ALDH1L2: variants seen among roughly 807,000 people sequenced by gnomAD.
ALDH1L2 encodes the protein mitochondrial 10-formyltetrahydrofolate dehydrogenase.
ALDH1L2 carries 91 observed loss-of-function variants against 111.0 expected under a neutral mutation model. The ratio of observed to expected loss-of-function variants is 0.82; its 90% CI spans 0.69 to 0.98. ALDH1L2 has a LOEUF of 0.98. Ranked by LOEUF, ALDH1L2 falls within the 50% of genes least tolerant of loss-of-function variation. ALDH1L2 has a pLI of 0.00. For synonymous variants in ALDH1L2, 374 were observed against 392.6 expected (o/e 0.95, Z 0.56); for missense variants, 995 against 1,126.8 (o/e 0.88, Z 1.67).
intron 4 of ALDH1L2, 140 bp from the exon 5 acceptor site, chr12:105,066,809 T>C (rs1437309237): frequency 4.4e-6 from 3 of 675,646 alleles, no homozygotes; most frequent in Non-Finnish European, 7.8e-6. Context: ...CTACCATTTC[T>C]TCAGGTCCAT....
chr12:105,036,138 G>A lies in ALDH1L2; in HGVS notation c.2146-1740C>T, dbSNP rs1205677127. Among the ~76,000 whole-genome samples the A allele has an allele frequency of 8.8e-5, 4 of 45,376 alleles. 2 individuals carry two copies. Among genetic ancestry groups the A allele is most frequent in the Non-Finnish European group, 6.7e-5 (2 of 29,670 alleles). The allele number at this position is 45,376 out of a possible 152,430, so 29.8% of individuals were successfully genotyped here. On this transcript the variant is annotated intron_variant, in intron 18 of 22. Coordinates refer to ENST00000258494, the MANE Select transcript of ALDH1L2 (RefSeq NM_001034173.4). ...ATGTGTATATATATTATATATATAC[G>A]TATATTTATATATGTGTATATAATA...
intron 10 of ALDH1L2, 66 bp from the exon 11 acceptor site, chr12:105,052,997 TAAAG>T: frequency 6.4e-7 from 1 of 1,555,896 alleles, no homozygotes; most frequent in Non-Finnish European, 8.8e-7. Flanking sequence ...CAAACAGCAA[TAAAG>T]AAGCATATTC....
chr12:105,074,210 C>A, intron 1 of ALDH1L2: 1 of 547,720 alleles, frequency 1.8e-6, no homozygotes, highest in South Asian at 2.5e-5. Context: ...ATAATCCCAG[C>A]ACTTTGGGAG....
chr12:105,066,521 G>C, intron 5 of ALDH1L2, 47 bp downstream of exon 5: 1 of 1,543,540 alleles, frequency 6.5e-7, no homozygotes, highest in Non-Finnish European at 8.9e-7. Flanking sequence ...CTGAAGGGTA[G>C]AGGGCCATGA....
In ALDH1L2 at chr12:105,065,368, C is replaced by T. The variant is rs756546903; in HGVS notation, c.697-12G>A. 1.9e-6 allele frequency: 3 copies of T among 1,608,036 alleles called. No homozygotes were observed. The highest frequency in any genetic ancestry group is 1.7e-5 in the Admixed American group (1 of 59,918). On this transcript the variant is annotated splice_polypyrimidine_tract_variant and intron_variant, in intron 5 of 22. Coordinates refer to ENST00000258494, the MANE Select transcript of ALDH1L2 (RefSeq NM_001034173.4). ...TGGTCCCAAGAAATCTAGGAAGGCA[C>T]AAAATACAGGCTGAGCCTCCTATGG...
intron 19 of ALDH1L2, among the ~76,000 whole-genome samples, chr12:105,032,174 CTTTTT>C (rs59767606): frequency 1.9e-5 from 2 of 105,968 alleles, no homozygotes; most frequent in Non-Finnish European, 3.9e-5. Context: ...CCTCGAACTT[CTTTTT>C]TTTTTTTTTT....
chr12:105,065,226 A>C, intron 6 of ALDH1L2, 41 bp downstream of exon 6: 4 of 1,061,306 alleles, frequency 3.8e-6, no homozygotes, highest in African/African-American at 2.0e-5. Flanking sequence ...CAAAGGTAAT[A>C]ATCGGGGAGG....
intron 18 of ALDH1L2, among the ~76,000 whole-genome samples, chr12:105,036,543 T>C (rs1345607522): frequency 2.2e-5 from 1 of 44,940 alleles, no homozygotes; most frequent in Admixed American, 2.7e-4. Flanking sequence ...TATATATATA[T>C]ATATATATAT....
chr12:105,024,955 A>G (rs1874342614), intron 22 of ALDH1L2, among the ~76,000 whole-genome samples: 1 of 152,224 alleles, frequency 6.6e-6, no homozygotes, highest in Non-Finnish European at 1.5e-5. Context: ...GAGCACAGGA[A>G]AGTTTGAAAT....
chr12:105,035,789 C>G (rs1245521976), intron 18 of ALDH1L2, among the ~76,000 whole-genome samples: 1 of 149,058 alleles, frequency 6.7e-6, no homozygotes, highest in East Asian at 2.0e-4. Flanking sequence ...TTCTAATTCA[C>G]CTGCAGGAAA....
At chr12:105,074,282 AC>A (rs940078381) in intron 1 of ALDH1L2, 4 of 269,938 alleles carry the variant, frequency 1.5e-5, no homozygotes, top group Admixed American at 4.8e-5. Flanking sequence ...ACATGGCGAA[AC>A]CCTGTCTCTA....
chr12:105,053,037 A>T, intron 10 of ALDH1L2, 106 bp from the exon 11 acceptor site: 1 of 1,363,348 alleles, frequency 7.3e-7, no homozygotes, highest in Non-Finnish European at 1.0e-6. Context: ...GAAGTCAATG[A>T]CATTCTAGTT....
rs1215063058 is a variant in ALDH1L2 at position 105,039,811 on chromosome 12, A to T, written c.1952-5T>A. ...GACGTTGTCCTGCTATGCCACCTGT[A>T]GAATTAGGGAATAAAACGGGAATTA... On this transcript the variant is annotated splice_region_variant and splice_polypyrimidine_tract_variant and intron_variant, in intron 16 of 22. Coordinates refer to ENST00000258494, the MANE Select transcript of ALDH1L2 (RefSeq NM_001034173.4). The T allele has an allele frequency of 6.2e-7, 1 of 1,613,564 alleles. No individual in the cohort carries two copies. The highest frequency in any genetic ancestry group is 1.7e-5 in the Admixed American group (1 of 59,996).
intron 8 of ALDH1L2, 51 bp from the exon 9 acceptor site, chr12:105,061,123 G>A (rs915771111): frequency 2.0e-6 from 3 of 1,488,140 alleles, no homozygotes; most frequent in Non-Finnish European, 2.8e-6. Flanking sequence ...GAACAATGTG[G>A]CAGAGACTGG....
At chr12:105,055,944 G>A (rs1029083566) in intron 10 of ALDH1L2, among the ~76,000 whole-genome samples, 7 of 152,038 alleles carry the variant, frequency 4.6e-5, no homozygotes, top group African/African-American at 1.7e-4. Flanking sequence ...TGCATAAAAG[G>A]AATCCCAGAA....
At chr12:105,049,183 G>C (rs1876102228) in intron 13 of ALDH1L2, among the ~76,000 whole-genome samples, 1 of 152,050 alleles carries the variant, frequency 6.6e-6, no homozygotes, top group African/African-American at 2.4e-5. Flanking sequence ...ATGATACTAG[G>C]CTTCTCCAAA....
At position 105,028,658 on chromosome 12, in the gene ALDH1L2, G is replaced by A. The variant is rs565046032; in HGVS notation, c.2516+1666C>T. 2.1e-4 allele frequency among the ~76,000 whole-genome samples: 32 copies of A among 152,274 alleles called. No individual in the cohort carries two copies. The South Asian group carries it at 5.8e-3, about 28-fold the overall frequency. On this transcript the variant is annotated intron_variant, in intron 21 of 22. Transcript: ENST00000258494. ...TTCTTGATGCATTGCATATGGTAGGGACCCAAATATTTATAGAATGGACTA... is the reference window on the plus strand; with the variant it reads ...TTCTTGATGCATTGCATATGGTAGGAACCCAAATATTTATAGAATGGACTA...
chr12:105,079,679 ATT>A (rs1393094070), intron 1 of ALDH1L2, among the ~76,000 whole-genome samples: 1 of 152,138 alleles, frequency 6.6e-6, no homozygotes, highest in Non-Finnish European at 1.5e-5. Context: ...ATTGTATAAA[ATT>A]TTTAAAATTA....
intron 15 of ALDH1L2, among the ~76,000 whole-genome samples, chr12:105,044,563 G>A (rs1021497635): frequency 1.0e-5 from 1 of 98,488 alleles, no homozygotes; most frequent in African/African-American, 3.5e-5. Context: ...GCTTCTTGCT[G>A]TTTAATGGGT....
Sources: allele counts gnomAD v4.1 joint callset (sites outside exome capture counted in the v4.1 genomes callset), GRCh38; gene constraint gnomAD v4.1.1; transcripts MANE v1.5; gene names NCBI Gene and HGNC (gene_info 2026-07-23, HGNC 2026-07-21).